The following CHD5 variants were observed in gnomAD, a reference collection of about 807,000 sequenced individuals.
The protein encoded by CHD5 is ATP-dependent chromatin remodeler CHD5.
In CHD5, 69 loss-of-function variants were observed where a neutral mutation model predicts 230.3. The ratio of observed to expected loss-of-function variants is 0.30; its 90% CI spans 0.25 to 0.37. The LOEUF is 0.37. Among genes scored for constraint, CHD5 ranks in the 10% least tolerant of loss-of-function variants. CHD5 has a pLI of 1.00. For missense variants in CHD5, 1,827 were observed against 2,622.8 expected, an observed-to-expected ratio of 0.70 and a Z score of 6.63; for synonymous variants, 1,064 against 1,065.9, an observed-to-expected ratio of 1.00 and a Z score of 0.03.
intron 1 of CHD5, among the ~76,000 whole-genome samples, chr1:6,178,560 G>A (rs1198483561): frequency 6.6e-6 from 1 of 151,956 alleles, no homozygotes; most frequent in Non-Finnish European, 1.5e-5. Context: ...CCCCTCCGGA[G>A]AATGGGTCTA....
At chr1:6,112,756 G>A (rs1666313760) in intron 34 of CHD5, among the ~76,000 whole-genome samples, 153 bp downstream of exon 34, 3 of 152,184 alleles carry the variant, frequency 2.0e-5, no homozygotes, top group Admixed American at 1.3e-4. Context: ...TGGCTGTGAG[G>A]GGCTGGTGAA....
At chr1:6,117,451 C>T (rs1666395571) in intron 33 of CHD5, among the ~76,000 whole-genome samples, 1 of 152,122 alleles carries the variant, frequency 6.6e-6, no homozygotes, top group Non-Finnish European at 1.5e-5. Flanking sequence ...GTGGTACACG[C>T]CTGTGATCCT....
chr1:6,110,352 C>G, intron 37 of CHD5, 42 bp downstream of exon 37: 2 of 1,574,498 alleles, frequency 1.3e-6, no homozygotes, highest in East Asian at 4.7e-5. Context: ...CTGACACCGT[C>G]CCTCCCTGCC....
At chr1:6,149,542 G>A (rs1666967733) in intron 7 of CHD5, 130 bp from the exon 8 acceptor site, 1 of 794,394 alleles carries the variant, frequency 1.3e-6, no homozygotes, top group Non-Finnish European at 1.9e-6. Flanking sequence ...GTGGGTGGGT[G>A]AATAGACTGA....
intron 2 of CHD5, among the ~76,000 whole-genome samples, chr1:6,166,430 C>T (rs1411713003): frequency 1.3e-5 from 2 of 151,786 alleles, no homozygotes; most frequent in African/African-American, 2.4e-5. Flanking sequence ...AGAGAAGGGC[C>T]GGTAGGAGGT....
rs745449627 is a variant in CHD5 at position 6,142,546 on chromosome 1, G to A, written c.2103C>T (p.His701=). The A allele has an allele frequency of 3.5e-5, 56 of 1,613,988 alleles. No individual in the cohort carries two copies. Among genetic ancestry groups the A allele is most frequent in the Non-Finnish European group, 4.6e-5 (54 of 1,180,048 alleles). The part of the protein sequence containing the change: ...WYIDSTGGTL[H]PYQLEGLNWL... Reference sequence around the variant, plus strand: ...AGTTGAGGCCCTCCAGCTGGTACGGGTGCAGTGTGCCGCCTGTGGAGTCGA... The same window carrying A: ...AGTTGAGGCCCTCCAGCTGGTACGGATGCAGTGTGCCGCCTGTGGAGTCGA... Residue 701 remains histidine, a synonymous_variant, in exon 14 of 42, where the codon CAC becomes CAT. Coordinates refer to ENST00000262450, the MANE Select transcript of CHD5 (RefSeq NM_015557.3). This position sits in a 1 kb window ranked among gnomAD's most constrained non-coding sequence, Gnocchi z 5.2.
At chr1:6,175,951 C>T (rs770333063) in intron 1 of CHD5, among the ~76,000 whole-genome samples, 2 of 150,186 alleles carry the variant, frequency 1.3e-5, no homozygotes, top group African/African-American at 2.5e-5. Flanking sequence ...GGATGGTGAA[C>T]GGTTACTTGG....
At chr1:6,110,362 C>T (rs780578988) in intron 37 of CHD5, 32 bp downstream of exon 37, 1 of 1,576,862 alleles carries the variant, frequency 6.3e-7, no homozygotes, top group East Asian at 2.3e-5. Context: ...CCCTCCCTGC[C>T]CCGTGCAGCC....
chr1:6,161,454 T>C (rs1667176485), intron 2 of CHD5, among the ~76,000 whole-genome samples: 1 of 152,194 alleles, frequency 6.6e-6, no homozygotes, highest in African/African-American at 2.4e-5. Context: ...CCAGCCTCCC[T>C]GCTCCCAAAC....
In CHD5 at chr1:6,167,677, C is replaced by G. The variant is rs745719697; in HGVS notation, c.207+473G>C. On this transcript the variant is annotated intron_variant, in intron 2 of 41. Transcript: ENST00000262450. This position sits in a 1 kb window ranked among gnomAD's most constrained non-coding sequence, Gnocchi z 4.5. ...CCAAGGCAGCGGAGCATGCGGCAGC[C>G]TCGCCCATCCAGAACCAGCCGAGAA... Among the ~76,000 whole-genome samples, 21 of 152,184 alleles carry G rather than the reference C, an allele frequency of 1.4e-4. No individual in the cohort carries two copies. The highest frequency in any genetic ancestry group is 2.6e-4 in the Admixed American group (4 of 15,286).
rs542926676 is a variant in CHD5, at chr1:6,142,021, G to A, written c.2436+107C>T. The A allele has an allele frequency of 3.1e-5, 31 of 987,194 alleles. No homozygotes were observed. Among genetic ancestry groups the A allele is most frequent in the Middle Eastern group, 2.1e-4 (1 of 4,698 alleles). 61.2% of individuals were successfully genotyped at this position (987,194 alleles called of 1,614,324 possible). ...AAGCCCCTCAGAGCCTGCCGGCCTC[G>A]GTAGCCCTCCCAGGCTGAGGGACCC... On this transcript the variant is annotated intron_variant, in intron 15 of 41. Coordinates refer to ENST00000262450, the MANE Select transcript of CHD5 (RefSeq NM_015557.3). The surrounding 1 kb of genome is among the most constrained non-coding windows in gnomAD (Gnocchi z 5.2).
At chr1:6,127,582 G>A (rs1289659661) in intron 25 of CHD5, among the ~76,000 whole-genome samples, 1 of 152,172 alleles carries the variant, frequency 6.6e-6, no homozygotes, top group Non-Finnish European at 1.5e-5. Flanking sequence ...GCGGGAGGGT[G>A]CAGCTGGGTA....
intron 29 of CHD5, among the ~76,000 whole-genome samples, 163 bp downstream of exon 29, chr1:6,124,937 C>T (rs542374846): frequency 2.0e-5 from 3 of 152,206 alleles, no homozygotes; most frequent in Non-Finnish European, 4.4e-5. Flanking sequence ...CAGCCCTGCC[C>T]GGCACCAGGA....
chr1:6,110,181 C>T (rs557819725), intron 37 of CHD5, among the ~76,000 whole-genome samples, 191 bp from the exon 38 acceptor site: 24 of 152,344 alleles, frequency 1.6e-4, no homozygotes, highest in Non-Finnish European at 3.4e-4. Flanking sequence ...TCTCTGTACC[C>T]CAACACCCCA....
chr1:6,130,189 G>A lies in CHD5; in HGVS notation c.3387+15C>T, dbSNP rs372495870. The A allele has an allele frequency of 5.4e-5, 87 of 1,613,224 alleles. No individual in the cohort carries two copies. The highest frequency in any genetic ancestry group is 1.7e-4 in the Middle Eastern group (1 of 6,054). ...GAGGCCCCCTGGGAGGGTGGTGGGC[G>A]GCAGCAGCACAGACCTGGATGTCAT... On this transcript the variant is annotated intron_variant, in intron 22 of 41. Transcript: ENST00000262450. This position sits in a 1 kb window ranked among gnomAD's most constrained non-coding sequence, Gnocchi z 4.9.
At chr1:6,149,523 G>A in intron 7 of CHD5, 111 bp from the exon 8 acceptor site, 1 of 1,096,124 alleles carries the variant, frequency 9.1e-7, no homozygotes, top group Non-Finnish European at 1.3e-6. Flanking sequence ...ATAGAGGGTG[G>A]ATGGAAAGGT....
At chr1:6,139,355 G>C (rs1214976201) in intron 15 of CHD5, among the ~76,000 whole-genome samples, 1 of 152,030 alleles carries the variant, frequency 6.6e-6, no homozygotes, top group Non-Finnish European at 1.5e-5. Context: ...TCCTGCCTCA[G>C]CCTCCTGAAT....
At chr1:6,136,408 AG>A in intron 17 of CHD5, 108 bp downstream of exon 17, 1 of 1,285,728 alleles carries the variant, frequency 7.8e-7, no homozygotes, top group Non-Finnish European at 1.1e-6. Flanking sequence ...TTTACTGATG[AG>A]GAAGCAACGG....
chr1:6,179,647 C>T (rs1310710443), intron 1 of CHD5, among the ~76,000 whole-genome samples: 1 of 149,614 alleles, frequency 6.7e-6, no homozygotes, highest in African/African-American at 2.4e-5. Flanking sequence ...CAGCGCCGCG[C>T]CCCCCAGCGC....
Sources: allele counts gnomAD v4.1 joint callset (sites outside exome capture counted in the v4.1 genomes callset), GRCh38; gene constraint gnomAD v4.1.1; non-coding constraint Gnocchi (gnomAD v3.1); transcripts MANE v1.5; gene names NCBI Gene and HGNC (gene_info 2026-07-23, HGNC 2026-07-21).